Variants in ZNF117 observed in about 807,000 individuals in gnomAD.
ZNF117 encodes the protein Krueppel-related zinc finger protein.
A neutral mutation model predicts 41.2 loss-of-function variants in ZNF117; 37 were observed. That is an observed-to-expected ratio of 0.90 (90% CI 0.69 to 1.18). The LOEUF (loss-of-function observed/expected upper bound fraction) is 1.18. ZNF117 is among the 50% of genes most tolerant of loss of function. The pLI is 0.00. For synonymous variants in ZNF117, 186 were observed against 186.6 expected (o/e 1.00, Z 0.02); for missense variants, 546 against 557.5 (o/e 0.98, Z 0.21).
At chr7:64,981,258 A>G in intron 2 of ZNF117, 129 bp downstream of exon 3, 2 of 1,248,102 alleles carry the variant, frequency 1.6e-6, no homozygotes, top group Middle Eastern at 3.8e-4. Flanking sequence ...AGAAAAATAA[A>G]AAAAAACTCG....
chr7:64,985,790 C>G (rs1786120555), upstream of ZNF117, among the ~76,000 whole-genome samples: 1 of 151,872 alleles, frequency 6.6e-6, no homozygotes, highest in African/African-American at 2.4e-5. Flanking sequence ...GAAACCTCAT[C>G]TCTACTGAAG....
At chr7:64,987,085 T>G (rs55959098), upstream of ZNF117, among the ~76,000 whole-genome samples, 77,485 of 151,782 alleles carry the variant, frequency 0.51, 20,717 homozygotes, top group Admixed American at 0.63. Context: ...ATCCCCAAAT[T>G]ATACCAACCA....
At position 64,991,013 on chromosome 7, in the gene ZNF117, A is replaced by G; in HGVS notation, c.-1262T>C. ...AGTAGCTCTTTTCTTGGCAGGGGTT[A>G]ATACTTAGTTAGGGCCATTAGTCGT... On this transcript the variant is annotated 5_prime_UTR_variant, in exon 1 of 4. It removes the in-frame stop codon of an upstream open reading frame in the 5' UTR. Transcript: ENST00000282869. 1 of 462,078 alleles carries G rather than the reference A, an allele frequency of 2.2e-6. No individual in the cohort carries two copies. The highest frequency in any genetic ancestry group is 3.2e-5 in the East Asian group (1 of 31,250). 28.6% of individuals were successfully genotyped at this position (462,078 alleles called of 1,614,324 possible). A position where few individuals can be genotyped will look rare whatever the true frequency, so the allele number is the denominator to read the frequency against.
At chr7:64,987,422 AG>A (rs1786157825) in intron 1 of ZNF117, among the ~76,000 whole-genome samples, 2 of 152,220 alleles carry the variant, frequency 1.3e-5, no homozygotes, top group Admixed American at 6.5e-5. Context: ...TAACTAGCAG[AG>A]GGCAAAAAGT....
chr7:64,984,260 T>C (rs1786090011), upstream of ZNF117, among the ~76,000 whole-genome samples: 1 of 152,016 alleles, frequency 6.6e-6, no homozygotes, highest in African/African-American at 2.4e-5. Flanking sequence ...GCGTCCAGAG[T>C]AGCTGGGATT....
exon 3 of ZNF117, chr7:64,974,940 A>C (rs1262628875): frequency 2.0e-5 from 3 of 152,142 alleles, no homozygotes; most frequent in Non-Finnish European, 1.5e-5. Flanking sequence ...TATGCCATAT[A>C]TGGCATAAAT....
exon 3 of ZNF117, chr7:64,978,132 T>C: frequency 6.2e-7 from 1 of 1,609,520 alleles, no homozygotes; most frequent in Non-Finnish European, 8.5e-7. Flanking sequence ...GGTAGAAGCT[T>C]TGCCACATTC....
chr7:64,987,656 C>T (rs1182389125), intron 1 of ZNF117, among the ~76,000 whole-genome samples: 3 of 152,012 alleles, frequency 2.0e-5, no homozygotes, highest in Non-Finnish European at 4.4e-5. Flanking sequence ...ACTATAAACA[C>T]TTCTATGAAC....
At position 64,979,359 on chromosome 7, in the gene ZNF117, T is replaced by C. The variant is rs760941124; in HGVS notation, c.212A>G (p.Gln71Arg). 2.5e-6 allele frequency: 4 copies of C among 1,597,986 alleles called. No homozygotes were observed. In the Admixed American group the frequency reaches 5.3e-5, roughly 21 times the overall value. The stretch of plus-strand genomic sequence containing the variant: ...TTTGCTCAAGGTAGTTTTCAAACAT[T>C]GGTTAAGTCCACTATAATCTCCTTT... The change falls in exon 3 of 3, where the codon CAA (glutamine) becomes CGA (arginine). Residue 71 changes from glutamine (Q) to arginine (R), a missense_variant. Physicochemically the swap from Gln to Arg is conservative, Grantham distance 43. Coordinates refer to ENST00000620222, the Ensembl canonical transcript of ZNF117.
chr7:64,985,527 C>A (rs1016082071), upstream of ZNF117, among the ~76,000 whole-genome samples: 1 of 152,190 alleles, frequency 6.6e-6, no homozygotes, highest in Middle Eastern at 3.4e-3. Flanking sequence ...AAGCAATGAA[C>A]CTGAGGTCCT....
chr7:64,978,016 GT>G, exon 3 of ZNF117: 3 of 1,338,354 alleles, frequency 2.2e-6, no homozygotes, highest in South Asian at 1.3e-5. Flanking sequence ...ATCATCTTAT[GT>G]TTAGTAAGGG....
At chr7:64,976,108 C>A (rs1785879917) in exon 3 of ZNF117, 1 of 152,100 alleles carries the variant, frequency 6.6e-6, no homozygotes, top group Non-Finnish European at 1.5e-5. Context: ...TCTTTATGTA[C>A]CTAATGTTTG....
chr7:64,984,452 T>C (rs548482899), upstream of ZNF117, among the ~76,000 whole-genome samples: 14 of 152,206 alleles, frequency 9.2e-5, no homozygotes, highest in Non-Finnish European at 1.5e-4. Context: ...TGGAATACAT[T>C]TGAGTTTGCA....
exon 3 of ZNF117, chr7:64,979,428 T>C: frequency 1.2e-6 from 2 of 1,610,572 alleles, no homozygotes; most frequent in Non-Finnish European, 1.7e-6. Context: ...TTTTCTTAAC[T>C]GTAAATTCTC....
exon 3 of ZNF117, chr7:64,977,860 T>C: frequency 8.8e-7 from 1 of 1,141,348 alleles, no homozygotes; most frequent in South Asian, 1.2e-5. Context: ...TTAATAAGGT[T>C]TGATGATCAA....
downstream of ZNF117, chr7:64,973,404 G>A (rs1785813252): frequency 6.6e-6 from 1 of 151,814 alleles, no homozygotes; most frequent in African/African-American, 2.4e-5. Flanking sequence ...CAATATATTT[G>A]CACTCCAGCC....
chr7:64,979,274 G>C (rs148765545), exon 3 of ZNF117: 2 of 1,593,668 alleles, frequency 1.3e-6, no homozygotes, highest in African/African-American at 2.7e-5. Context: ...GTCTCATCTT[G>C]TGTCTATTTG....
chr7:64,979,813 C>T (rs60147175), intron 2 of ZNF117: 10,262 of 233,890 alleles, frequency 0.044, 1,009 homozygotes, highest in African/African-American at 0.21. Context: ...GTTACATTTA[C>T]CCAACACAGC....
chr7:64,978,141 T>G lies in ZNF117; in HGVS notation c.1430A>C (p.Glu477Ala), dbSNP rs538895579. Residue 477 changes from glutamate to alanine, a missense_variant, in exon 3 of 3, where the codon GAA becomes GCA. By Grantham distance (107) the Glu-to-Ala change is moderately radical. Transcript: ENST00000620222. ...GGATCAGGTAGAAGCTTTGCCACAT[T>G]CATCACATTTGTACTGTTTCTCTTC... The G allele has an allele frequency of 8.7e-6, 14 of 1,610,164 alleles. No homozygotes were observed. In the East Asian group the frequency reaches 2.9e-4, roughly 33 times the overall value.
Sources: gnomAD v4.1 joint callset for allele counts (sites outside exome capture counted in the v4.1 genomes callset) on GRCh38, gnomAD v4.1.1 for gene constraint, MANE v1.5 for transcripts, NCBI Gene and HGNC (gene_info 2026-07-23, HGNC 2026-07-21) for gene names.